Variants in HTR4 observed in about 807,000 individuals in gnomAD.
The protein encoded by HTR4 is 5-hydroxytryptamine (serotonin) receptor 4, G protein-coupled.
In HTR4, 16 loss-of-function variants were observed where a neutral mutation model predicts 36.8. The observed-to-expected ratio is 0.43, with a 90% CI of 0.29 to 0.66. The LOEUF is 0.66. HTR4 is among the 30% of genes least tolerant of loss of function. HTR4 has a pLI of 0.13. For synonymous variants in HTR4, 189 were observed against 185.1 expected (o/e 1.02, Z -0.17); for missense variants, 438 against 490.9 (o/e 0.89, Z 1.02).
intron 5 of HTR4, among the ~76,000 whole-genome samples, chr5:148,511,773 A>G (rs1757511582): frequency 6.6e-6 from 1 of 152,078 alleles, no homozygotes; most frequent in Non-Finnish European, 1.5e-5. Context: ...CCACCACGAG[A>G]GCAGGAGAGT....
At chr5:148,640,590 T>C (rs1753701472) in intron 1 of HTR4, among the ~76,000 whole-genome samples, 1 of 152,172 alleles carries the variant, frequency 6.6e-6, no homozygotes, top group African/African-American at 2.4e-5. Flanking sequence ...GACTACATAA[T>C]TTGAGGCTTA....
intron 5 of HTR4, among the ~76,000 whole-genome samples, chr5:148,454,789 G>C (rs1299605868): frequency 6.6e-6 from 1 of 152,178 alleles, no homozygotes; most frequent in African/African-American, 2.4e-5. Context: ...CATAGCAGCT[G>C]AGTGAGTCTC....
chr5:148,654,364 C>A lies in HTR4; in HGVS notation c.-350G>T. ...CAACAGCCCCCAGCCCCGGTGGTCC[C>A]CGCTGCCCTGCCCGCTGCCGCCCCC... On this transcript the variant is annotated 5_prime_UTR_variant, in exon 1 of 7. Coordinates refer to ENST00000377888, the MANE Select transcript of HTR4 (RefSeq NM_000870.7). The A allele has an allele frequency of 1.0e-6, 1 of 985,446 alleles. No individual in the cohort carries two copies. The highest frequency in any genetic ancestry group is 1.2e-6 in the Non-Finnish European group (1 of 829,948). 61.0% of individuals were successfully genotyped at this position (985,446 alleles called of 1,614,324 possible). A position where few individuals can be genotyped will look rare whatever the true frequency, so the allele number is the denominator to read the frequency against.
intron 4 of HTR4, among the ~76,000 whole-genome samples, chr5:148,525,126 G>T (rs557388687): frequency 7.4e-4 from 112 of 152,236 alleles, no homozygotes; most frequent in African/African-American, 2.6e-3. Flanking sequence ...TTATAATTCT[G>T]ACATGGCTGC....
intron 5 of HTR4, among the ~76,000 whole-genome samples, chr5:148,460,026 T>C (rs1016733077): frequency 6.6e-6 from 1 of 152,116 alleles, no homozygotes; most frequent in African/African-American, 2.4e-5. Context: ...GATGGACTTA[T>C]TAGTAGACTA....
downstream of HTR4, chr5:148,476,791 A>G (rs1385307103): frequency 4.8e-5 from 77 of 1,609,512 alleles, no homozygotes; most frequent in Non-Finnish European, 6.5e-5. Flanking sequence ...ACCACACTGA[A>G]AAGCATATCA....
chr5:148,560,190 G>A (rs1263850164), intron 2 of HTR4, among the ~76,000 whole-genome samples: 2 of 132,274 alleles, frequency 1.5e-5, no homozygotes, highest in Admixed American at 7.9e-5. Flanking sequence ...TCTTTTTTAC[G>A]GAAAGCTTTT....
chr5:148,524,668 G>A (rs1444947896), intron 4 of HTR4, among the ~76,000 whole-genome samples: 2 of 152,246 alleles, frequency 1.3e-5, no homozygotes, highest in Non-Finnish European at 2.9e-5. Context: ...CTCTTTGGGA[G>A]AGTACAAAAT....
chr5:148,622,066 C>T (rs1296877925), intron 2 of HTR4, among the ~76,000 whole-genome samples: 1 of 152,126 alleles, frequency 6.6e-6, no homozygotes, highest in Admixed American at 6.5e-5. Flanking sequence ...CTGACTGCCT[C>T]TTGTAATAAT....
intron 6 of HTR4, among the ~76,000 whole-genome samples, chr5:148,508,671 C>G (rs944708025): frequency 6.6e-6 from 1 of 152,154 alleles, no homozygotes; most frequent in African/African-American, 2.4e-5. Context: ...TACCCCAATT[C>G]TAGATTGCCC....
intron 2 of HTR4, among the ~76,000 whole-genome samples, chr5:148,626,592 G>A (rs1488836242): frequency 6.6e-6 from 1 of 152,186 alleles, no homozygotes; most frequent in Non-Finnish European, 1.5e-5. Context: ...TAAGCTTCCT[G>A]AGTTCAGATC....
At chr5:148,639,363 TC>T (rs1753653955) in intron 1 of HTR4, among the ~76,000 whole-genome samples, 1 of 151,840 alleles carries the variant, frequency 6.6e-6, no homozygotes, top group East Asian at 1.9e-4. Context: ...GCCATGCCCC[TC>T]CCCTTTCCCA....
chr5:148,476,757 G>C (rs550522285), downstream of HTR4: 37 of 1,613,152 alleles, frequency 2.3e-5, no homozygotes, highest in Admixed American at 6.7e-5. Flanking sequence ...TGGTAGGAGA[G>C]ATCAAAAAGA....
chr5:148,599,642 G>C (rs1370327351), intron 2 of HTR4, among the ~76,000 whole-genome samples: 1 of 151,016 alleles, frequency 6.6e-6, no homozygotes. Context: ...TCTTTACGAA[G>C]AAAAATGATC....
chr5:148,587,216 ATGGAG>A (rs1337956619), intron 2 of HTR4, among the ~76,000 whole-genome samples: 1 of 152,222 alleles, frequency 6.6e-6, no homozygotes, highest in African/African-American at 2.4e-5. Flanking sequence ...ATTTTGTTGC[ATGGAG>A]GACAATATCT....
intron 2 of HTR4, among the ~76,000 whole-genome samples, chr5:148,603,156 A>G (rs2127270965): frequency 1.3e-5 from 2 of 152,200 alleles, no homozygotes; most frequent in South Asian, 2.1e-4. Flanking sequence ...TGATCTAAAA[A>G]TTGTAAGCAA....
chr5:148,489,432 G>A (rs79352593), intron 6 of HTR4, among the ~76,000 whole-genome samples: 1 of 152,164 alleles, frequency 6.6e-6, no homozygotes, highest in Admixed American at 6.5e-5. Context: ...GCTGCCCATA[G>A]GAGTGACAGT....
chr5:148,479,977 GT>G (rs1302514436), downstream of HTR4, among the ~76,000 whole-genome samples: 1 of 152,142 alleles, frequency 6.6e-6, no homozygotes, highest in African/African-American at 2.4e-5. Flanking sequence ...ATTTTCAAAA[GT>G]TATCAGGTTC....
chr5:148,527,280 G>A (rs1386283548), intron 4 of HTR4, among the ~76,000 whole-genome samples: 1 of 152,228 alleles, frequency 6.6e-6, no homozygotes, highest in East Asian at 1.9e-4. Flanking sequence ...ATAAATGGAT[G>A]TGGATGTTTA....
Sources: gnomAD v4.1 joint callset for allele counts (sites outside exome capture counted in the v4.1 genomes callset) on GRCh38, gnomAD v4.1.1 for gene constraint, MANE v1.5 for transcripts, NCBI Gene and HGNC (gene_info 2026-07-23, HGNC 2026-07-21) for gene names.